Variants in REV3L observed in about 807,000 individuals in gnomAD.
REV3L encodes the protein REV3 like, DNA directed polymerase zeta catalytic subunit, also known as DNA polymerase zeta catalytic subunit.
In REV3L, 69 loss-of-function variants were observed where a neutral mutation model predicts 299.4. The observed-to-expected ratio is 0.23, with a 90% CI of 0.19 to 0.28. The LOEUF (loss-of-function observed/expected upper bound fraction) is 0.28, where lower values mean the gene tolerates loss of function less well. Ranked by LOEUF, REV3L falls within the 10% of genes least tolerant of loss-of-function variation. The probability of loss-of-function intolerance (pLI) is 1.00; values close to 1 mark genes in which losing one functional copy is unlikely to be tolerated. For missense variants in REV3L, 3,128 were observed against 3,693.8 expected (o/e 0.85, Z 3.97); for synonymous variants, 1,238 against 1,271.4 (o/e 0.97, Z 0.56).
intron 21 of REV3L, among the ~76,000 whole-genome samples, chr6:111,336,071 AAGAG>A (rs1775867807): frequency 6.6e-6 from 1 of 151,920 alleles, no homozygotes. Flanking sequence ...GCAAAAAAAA[AAGAG>A]TAATTTGGTG....
chr6:111,377,598 G>A, intron 12 of REV3L, 103 bp downstream of exon 12: 24 of 1,153,146 alleles, frequency 2.1e-5, no homozygotes, highest in Non-Finnish European at 2.9e-5. Flanking sequence ...TGGACTCCCA[G>A]AATGCTGGGA....
chr6:111,412,042 A>G (rs2128281054), intron 2 of REV3L: 2 of 985,270 alleles, frequency 2.0e-6, no homozygotes, highest in Non-Finnish European at 2.4e-6. Context: ...TTACTTAACA[A>G]CACTTACATT....
intron 1 of REV3L, among the ~76,000 whole-genome samples, chr6:111,441,040 G>A (rs979886442): frequency 3.0e-4 from 45 of 152,070 alleles, no homozygotes; most frequent in Non-Finnish European, 4.9e-4. Flanking sequence ...TTTATCTTTG[G>A]TTTCCTGCAG....
chr6:111,304,652 G>C (rs760390543), intron 31 of REV3L, among the ~76,000 whole-genome samples: 1 of 149,064 alleles, frequency 6.7e-6, no homozygotes, highest in Non-Finnish European at 1.5e-5. Context: ...ATACATGTAG[G>C]TTTGTTACAT....
chr6:111,402,156 G>C (rs1472955676), intron 4 of REV3L, among the ~76,000 whole-genome samples: 1 of 152,042 alleles, frequency 6.6e-6, no homozygotes, highest in African/African-American at 2.4e-5. Flanking sequence ...CCTCTAGGGA[G>C]GATTTGCACT....
chr6:111,366,988 T>C (rs1407621840), intron 14 of REV3L, 127 bp downstream of exon 14: 2 of 717,528 alleles, frequency 2.8e-6, no homozygotes, highest in East Asian at 3.1e-5. Flanking sequence ...TTCTAAGACA[T>C]GACGAAAAAT....
chr6:111,423,152 T>C (rs1272615465), intron 1 of REV3L, among the ~76,000 whole-genome samples: 1 of 152,212 alleles, frequency 6.6e-6, no homozygotes, highest in East Asian at 1.9e-4. Flanking sequence ...ACACAGCCAC[T>C]AACTTCATGA....
At chr6:111,471,389 C>T (rs756803391) in intron 1 of REV3L, among the ~76,000 whole-genome samples, 3 of 152,010 alleles carry the variant, frequency 2.0e-5, no homozygotes, top group Admixed American at 6.6e-5. Flanking sequence ...ATGTCACTAA[C>T]GAAATGTAAA....
intron 3 of REV3L, among the ~76,000 whole-genome samples, chr6:111,406,358 G>A (rs377656377): frequency 2.4e-4 from 37 of 152,268 alleles, no homozygotes; most frequent in African/African-American, 8.7e-4. Flanking sequence ...CAGGGATAGA[G>A]AAGTAATGAG....
At chr6:111,304,874 A>C (rs1445568985) in intron 31 of REV3L, among the ~76,000 whole-genome samples, 2 of 151,706 alleles carry the variant, frequency 1.3e-5, no homozygotes, top group Non-Finnish European at 2.9e-5. Context: ...TTTCTGCGTT[A>C]ATTTGCTTAG....
chr6:111,358,572 G>A (rs1347683978), intron 17 of REV3L, among the ~76,000 whole-genome samples: 1 of 152,102 alleles, frequency 6.6e-6, no homozygotes, highest in African/African-American at 2.4e-5. Context: ...GAGCAATCCT[G>A]TTGCCCAGCC....
intron 1 of REV3L, 44 bp from the exon 2 acceptor site, chr6:111,416,516 T>G: frequency 6.9e-7 from 1 of 1,453,938 alleles, no homozygotes; most frequent in East Asian, 2.4e-5. Flanking sequence ...AGACACAGTT[T>G]AACAATACAA....
intron 31 of REV3L, among the ~76,000 whole-genome samples, chr6:111,305,314 G>A (rs950367213): frequency 6.6e-6 from 1 of 152,054 alleles, no homozygotes; most frequent in Non-Finnish European, 1.5e-5. Flanking sequence ...TAAGATGGCC[G>A]GGCATCATGG....
Position 111,367,199 on chromosome 6 carries a change from G to T in REV3L, c.6589C>A (p.Leu2197Ile). Residue 2197 changes from leucine to isoleucine, a missense_variant, in exon 14 of 32, where the codon CTT (leucine) becomes ATT (isoleucine). By Grantham distance (5) the Leu-to-Ile change is conservative. Around this residue, in one of 9 missense-constraint regions of REV3L, gnomAD observed 2,409 missense variants for 2,611.8 expected, o/e 0.92. Transcript: ENST00000368802. ...ATGATTGGTGTACTATGAAAGCAAAGTGATTCACATTTCCCAGTTCTTGCC... is the reference window on the plus strand; with the variant it reads ...ATGATTGGTGTACTATGAAAGCAAATTGATTCACATTTCCCAGTTCTTGCC... The part of the protein sequence containing the change: ...TRARTGKCES[L>I]CFHSTPIIQR... 1 of 1,613,968 alleles carries T rather than the reference G, an allele frequency of 6.2e-7. No individual in the cohort carries two copies. The highest frequency in any genetic ancestry group is 8.5e-7 in the Non-Finnish European group (1 of 1,179,940).
At chr6:111,406,609 G>A (rs144425737) in intron 3 of REV3L, among the ~76,000 whole-genome samples, 196 of 152,320 alleles carry the variant, frequency 1.3e-3, no homozygotes, top group African/African-American at 4.4e-3. Flanking sequence ...CTAACTAGAT[G>A]TGAAGGGTGA....
At chr6:111,322,525 C>T in intron 26 of REV3L, 44 bp downstream of exon 26, 1 of 1,395,898 alleles carries the variant, frequency 7.2e-7, no homozygotes, top group African/African-American at 1.4e-5. Context: ...AAATGAAGAT[C>T]TAGAGAGATG....
At chr6:111,325,064 C>T (rs1774622842) in intron 25 of REV3L, among the ~76,000 whole-genome samples, 1 of 152,118 alleles carries the variant, frequency 6.6e-6, no homozygotes. Context: ...GGTTTCACCG[C>T]ATTAGCCAGG....
intron 20 of REV3L, among the ~76,000 whole-genome samples, chr6:111,344,714 G>C (rs913252002): frequency 1.3e-5 from 2 of 152,114 alleles, no homozygotes; most frequent in African/African-American, 4.8e-5. Flanking sequence ...AAGCAATCTA[G>C]ACAATGGCAG....
In REV3L at chr6:111,309,913, CAAGGGTGGAAGGATTTGCTTGGT is replaced by C; in HGVS notation, c.8959_8981del (p.Thr2987GlyfsTer10). 6.2e-7 allele frequency: 1 copy of C among 1,613,996 alleles called. No homozygotes were observed. The highest frequency in any genetic ancestry group is 8.5e-7 in the Non-Finnish European group (1 of 1,179,944). ...TACCAATAAGTGAGAAGATTCTTGC[CAAGGGTGGAAGGATTTGCTTGGT>C]AATATAGTAAGTAGCATTCAGTCTC... On this transcript the variant is annotated frameshift_variant, in exon 30 of 32. Coordinates refer to ENST00000368802, the MANE Select transcript of REV3L (RefSeq NM_001372078.1). LOFTEE classifies it high-confidence loss of function.
Sources: allele counts gnomAD v4.1 joint callset (sites outside exome capture counted in the v4.1 genomes callset), GRCh38; gene constraint gnomAD v4.1.1; regional missense constraint gnomAD v4.1.1; transcripts MANE v1.5; gene names NCBI Gene and HGNC (gene_info 2026-07-23, HGNC 2026-07-21).